Variants in FAM3B observed in about 807,000 individuals in gnomAD.
FAM3B encodes the protein protein FAM3B.
Under a neutral mutation model 28.4 loss-of-function variants are expected in FAM3B, and 29 were observed. The ratio of observed to expected loss-of-function variants is 1.02; its 90% CI spans 0.76 to 1.39. The LOEUF (loss-of-function observed/expected upper bound fraction) is 1.39, where lower values mean the gene tolerates loss of function less well. FAM3B is among the 40% of genes most tolerant of loss of function. FAM3B has a pLI of 0.00. For synonymous variants in FAM3B, 91 were observed against 103.0 expected (o/e 0.88, Z 0.71); for missense variants, 266 against 293.9 (o/e 0.91, Z 0.69).
chr21:41,335,091 C>A (rs1380812493), intron 2 of FAM3B, among the ~76,000 whole-genome samples: 4 of 152,168 alleles, frequency 2.6e-5, no homozygotes, highest in Admixed American at 2.6e-4. Flanking sequence ...CTGCTTGTAC[C>A]TCCATTGTGT....
chr21:41,312,091 C>T (rs1239763240), upstream of FAM3B, among the ~76,000 whole-genome samples: 5 of 152,186 alleles, frequency 3.3e-5, no homozygotes, highest in South Asian at 2.1e-4. Flanking sequence ...CACTAGACCC[C>T]TCCCACAACA....
chr21:41,346,012 G>A (rs1242724258), intron 5 of FAM3B: 18 of 218,586 alleles, frequency 8.2e-5, no homozygotes, highest in South Asian at 4.7e-4. Context: ...AAGAGAAAAA[G>A]CCTTTTTTTT....
chr21:41,316,763 C>G (rs1414491425), upstream of FAM3B: 1 of 1,077,608 alleles, frequency 9.3e-7, no homozygotes, highest in Admixed American at 4.2e-5. Context: ...ACCCAGCTGG[C>G]CCGCCCCTGC....
upstream of FAM3B, among the ~76,000 whole-genome samples, chr21:41,315,547 G>A (rs1173710245): frequency 3.9e-5 from 6 of 152,108 alleles, no homozygotes; most frequent in East Asian, 1.9e-4. Flanking sequence ...TAAGGGAGTC[G>A]TTCCAACTAG....
At chr21:41,317,332 C>G (rs1051466824) in intron 1 of FAM3B, among the ~76,000 whole-genome samples, 1 of 151,758 alleles carries the variant, frequency 6.6e-6, no homozygotes, top group Non-Finnish European at 1.5e-5. Context: ...CCTTGCACGC[C>G]AGGGAGGGGC....
At chr21:41,317,559 T>G (rs1237703608) in intron 1 of FAM3B, among the ~76,000 whole-genome samples, 2 of 152,192 alleles carry the variant, frequency 1.3e-5, no homozygotes, top group Non-Finnish European at 2.9e-5. Context: ...CCCTGGCCTC[T>G]GTCACACATG....
At position 41,305,499 on chromosome 21, in the gene FAM3B, G is replaced by GAA. The variant is rs144502397; in HGVS notation, n.99+1197_99+1198dup. Among the ~76,000 whole-genome samples the GAA allele has an allele frequency of 7.3e-5, 11 of 150,994 alleles. 1 individual carries two copies. The highest frequency in any genetic ancestry group is 5.8e-4 in the East Asian group (3 of 5,146). On this transcript the variant is annotated intron_variant and non_coding_transcript_variant, in intron 1 of 9. Transcript: ENST00000479810. ...TCTTTCTCAAAGGATTTGTGCTTAA[G>GAA]AAAAAAAAACCTGTTTTCCTTGGAA...
At chr21:41,318,526 C>G (rs942306770) in intron 1 of FAM3B, among the ~76,000 whole-genome samples, 4 of 152,190 alleles carry the variant, frequency 2.6e-5, no homozygotes, top group Non-Finnish European at 5.9e-5. Flanking sequence ...CAAAAAGGCT[C>G]AGTGCACAGG....
At chr21:41,348,793 C>T in intron 7 of FAM3B, 69 bp downstream of exon 7, 3 of 1,567,408 alleles carry the variant, frequency 1.9e-6, no homozygotes, top group Non-Finnish European at 2.6e-6. Context: ...TGAAAACGTT[C>T]CTGGTGGGTT....
chr21:41,310,360 C>G (rs2088702654), intron 1 of FAM3B, among the ~76,000 whole-genome samples: 1 of 152,186 alleles, frequency 6.6e-6, no homozygotes, highest in Non-Finnish European at 1.5e-5. Flanking sequence ...GTTTTCCACT[C>G]TTGGTGCTCC....
intron 3 of FAM3B, among the ~76,000 whole-genome samples, chr21:41,339,908 G>A (rs910991368): frequency 6.6e-6 from 1 of 152,122 alleles, no homozygotes; most frequent in African/African-American, 2.4e-5. Flanking sequence ...CAGGCCATCT[G>A]CAAGCTGGAG....
intron 3 of FAM3B, among the ~76,000 whole-genome samples, chr21:41,343,888 C>T (rs886307029): frequency 5.9e-5 from 9 of 152,088 alleles, no homozygotes; most frequent in African/African-American, 2.2e-4. Context: ...GAGGCTGAGG[C>T]GGGCAGATCA....
At chr21:41,323,828 G>A (rs1157201527) in intron 2 of FAM3B, among the ~76,000 whole-genome samples, 2 of 152,194 alleles carry the variant, frequency 1.3e-5, no homozygotes, top group African/African-American at 4.8e-5. Flanking sequence ...TGGGTTCTGA[G>A]GGCTGTGTGC....
intron 1 of FAM3B, chr21:41,320,488 G>A (rs1487412516): frequency 6.6e-6 from 1 of 152,286 alleles, no homozygotes; most frequent in East Asian, 1.9e-4. Flanking sequence ...TGCCTGCCTG[G>A]ATTTTGTCTG....
chr21:41,327,659 C>T (rs2088866003), intron 2 of FAM3B, among the ~76,000 whole-genome samples: 1 of 152,184 alleles, frequency 6.6e-6, no homozygotes, highest in Non-Finnish European at 1.5e-5. Flanking sequence ...GTTTCATACC[C>T]TCATGGTGGG....
At chr21:41,356,193 A>G (rs2089166273) in intron 7 of FAM3B, among the ~76,000 whole-genome samples, 1 of 152,212 alleles carries the variant, frequency 6.6e-6, no homozygotes, top group South Asian at 2.1e-4. Flanking sequence ...AATTAAATAG[A>G]ATTCAAATTT....
chr21:41,342,710 G>T (rs2089019005), intron 3 of FAM3B, among the ~76,000 whole-genome samples: 1 of 152,102 alleles, frequency 6.6e-6, no homozygotes, highest in Non-Finnish European at 1.5e-5. Context: ...GTACTTTTCA[G>T]TTCTGAAATT....
chr21:41,333,590 C>T (rs2088926792), intron 2 of FAM3B, among the ~76,000 whole-genome samples: 1 of 152,240 alleles, frequency 6.6e-6, no homozygotes, highest in South Asian at 2.1e-4. Context: ...CTTGTACAGC[C>T]TGTGGAATCG....
intron 2 of FAM3B, among the ~76,000 whole-genome samples, chr21:41,336,328 C>T (rs1038837379): frequency 6.6e-6 from 1 of 152,198 alleles, no homozygotes; most frequent in African/African-American, 2.4e-5. Context: ...TCAAGACCAG[C>T]TTGGCCCACA....
Sources: allele counts gnomAD v4.1 joint callset (sites outside exome capture counted in the v4.1 genomes callset), GRCh38; gene constraint gnomAD v4.1.1; transcripts MANE v1.5; gene names NCBI Gene and HGNC (gene_info 2026-07-23, HGNC 2026-07-21).